The following BCL11A variants were observed in gnomAD, a reference collection of about 807,000 sequenced individuals.
The protein encoded by BCL11A is BCL11 transcription factor A.
Under a neutral mutation model 55.9 loss-of-function variants are expected in BCL11A, and 2 were observed. The ratio of observed to expected loss-of-function variants is 0.04; its 90% CI spans 0.01 to 0.11. The LOEUF (loss-of-function observed/expected upper bound fraction) is 0.11. Ranked by LOEUF, BCL11A falls within the 10% of genes least tolerant of loss-of-function variation. BCL11A has a pLI of 1.00. For missense variants in BCL11A, 817 were observed against 1,137.1 expected (o/e 0.72, Z 4.05); for synonymous variants, 465 against 473.4 (o/e 0.98, Z 0.23).
intron 2 of BCL11A, among the ~76,000 whole-genome samples, chr2:60,481,454 A>G (rs530512312): frequency 2.0e-5 from 3 of 152,184 alleles, no homozygotes; most frequent in South Asian, 2.1e-4. Flanking sequence ...ACCCACCACA[A>G]GCACATACAC....
Position 60,461,020 on chromosome 2 carries a change from G to C in BCL11A, c.1892C>G (p.Pro631Arg). 1 of 1,607,878 alleles carries C rather than the reference G, an allele frequency of 6.2e-7. No individual in the cohort carries two copies. Among genetic ancestry groups the C allele is most frequent in the South Asian group, 1.1e-5 (1 of 90,894 alleles). ...LLLGSPSSLS[P>R]FSKRIKLEKE... ...CTCGAGCTTGATGCGCTTAGAGAAG[G>C]GGCTCAGCGAGCTGGGGCTGCCCAG... Residue 631 changes from proline to arginine, a missense_variant, in exon 4 of 4, where the codon CCC (proline) becomes CGC (arginine). Physicochemically the swap from Pro to Arg is moderately radical, Grantham distance 103. Transcript: ENST00000642384.
chr2:60,452,414 C>T, downstream of BCL11A: 1 of 602,742 alleles, frequency 1.7e-6, no homozygotes, highest in Non-Finnish European at 2.9e-6. Context: ...TAAAATGGCG[C>T]TGCAGGCCTA....
Position 60,468,697 on chromosome 2 carries a change from A to G in BCL11A, c.487+35T>C, listed in dbSNP as rs1677027530. On this transcript the variant is annotated intron_variant, in intron 3 of 3. Coordinates refer to ENST00000642384, the MANE Select transcript of BCL11A (RefSeq NM_022893.4). ...TCCAGAAATTCTCATCTCTATACAC[A>G]TGGACATTTGTAGAAGAAATAAGGC... The G allele has an allele frequency of 4.0e-6, 6 of 1,497,714 alleles. No individual in the cohort carries two copies. In the East Asian group the frequency reaches 1.1e-4, roughly 28 times the overall value. The allele number at this position is 1,497,714 out of a possible 1,614,324, so 92.8% of individuals were successfully genotyped here.
intron 2 of BCL11A, among the ~76,000 whole-genome samples, chr2:60,480,410 T>C (rs1463841886): frequency 1.3e-5 from 2 of 152,140 alleles, no homozygotes; most frequent in African/African-American, 2.4e-5. Flanking sequence ...AATAAATAAT[T>C]AGGATTCAAG....
intron 3 of BCL11A, among the ~76,000 whole-genome samples, chr2:60,462,964 T>C (rs1676398675): frequency 1.3e-5 from 2 of 152,238 alleles, no homozygotes; most frequent in African/African-American, 4.8e-5. Context: ...CTCACTACAA[T>C]GTTCTATGGC....
At chr2:60,470,439 C>G (rs1677135510) in intron 2 of BCL11A, among the ~76,000 whole-genome samples, 1 of 152,186 alleles carries the variant, frequency 6.6e-6, no homozygotes, top group Non-Finnish European at 1.5e-5. Flanking sequence ...CTCAGCCGTT[C>G]ACTAAGTTTG....
intron 2 of BCL11A, among the ~76,000 whole-genome samples, chr2:60,474,408 C>G (rs974391594): frequency 1.3e-5 from 2 of 152,114 alleles, no homozygotes; most frequent in Non-Finnish European, 2.9e-5. Flanking sequence ...AAAGGCAAAT[C>G]CTTCATTTCA....
At chr2:60,534,704 C>A (rs1669595764) in intron 2 of BCL11A, 1 of 152,216 alleles carries the variant, frequency 6.6e-6, no homozygotes, top group Non-Finnish European at 1.5e-5. Flanking sequence ...CCTCAATTCA[C>A]TAAAGGAAAC....
At chr2:60,527,677 G>A (rs1464972387) in intron 2 of BCL11A, 1 of 152,194 alleles carries the variant, frequency 6.6e-6, no homozygotes, top group Non-Finnish European at 1.5e-5. Context: ...GCTCCCATCC[G>A]ATACTCGCCA....
In BCL11A at chr2:60,461,623, T is replaced by A; in HGVS notation, c.1289A>T (p.Lys430Ile). Residue 430 changes from lysine to isoleucine, a missense_variant, in exon 4 of 4, where the codon AAA (lysine) becomes ATA (isoleucine). Around this residue, in one of 4 missense-constraint regions of BCL11A, gnomAD observed 45 missense variants for 109.0 expected, o/e 0.41. Coordinates refer to ENST00000642384, the MANE Select transcript of BCL11A (RefSeq NM_022893.4). ...LKRHMKTHMH[K>I]SSPMTVKSDD... ...GGACTTGACCGTCATGGGGGACGAT[T>A]TGTGCATGTGCGTCTTCATGTGGCG... The A allele has an allele frequency of 6.2e-7, 1 of 1,613,818 alleles. No individual in the cohort carries two copies. Among genetic ancestry groups the A allele is most frequent in the Non-Finnish European group, 8.5e-7 (1 of 1,180,036 alleles).
chr2:60,501,528 A>C (rs1365733307), intron 2 of BCL11A, among the ~76,000 whole-genome samples: 7 of 96,946 alleles, frequency 7.2e-5, no homozygotes, highest in Admixed American at 5.0e-4. Flanking sequence ...TTTTTTTTTG[A>C]GACAGAGTTT....
chr2:60,508,751 G>T (rs1351678626), intron 2 of BCL11A: 1 of 152,240 alleles, frequency 6.6e-6, no homozygotes, highest in South Asian at 2.1e-4. Context: ...ATTTCCCTGA[G>T]GGTCTCCTTG....
At chr2:60,525,995 A>T (rs1669184772) in intron 2 of BCL11A, 1 of 152,238 alleles carries the variant, frequency 6.6e-6, no homozygotes, top group Admixed American at 6.5e-5. Context: ...AGGTCTTCAT[A>T]CTACAGGCAG....
chr2:60,460,194 A>G lies in BCL11A; in HGVS notation c.*210T>C, dbSNP rs886590243. Reference sequence around the variant, plus strand: ...AAAAAAAAAAAAAAGGAAAAAGAAAAAAGAAAAAGAAAAAGAAAAAAAACA... The same window carrying G: ...AAAAAAAAAAAAAAGGAAAAAGAAAGAAGAAAAAGAAAAAGAAAAAAAACA... On this transcript the variant is annotated 3_prime_UTR_variant, in exon 4 of 4. Coordinates refer to ENST00000642384, the MANE Select transcript of BCL11A (RefSeq NM_022893.4). The G allele has an allele frequency of 7.7e-7, 1 of 1,306,076 alleles. No individual in the cohort carries two copies. Among genetic ancestry groups the G allele is most frequent in the African/African-American group, 1.5e-5 (1 of 66,002 alleles). 80.9% of individuals were successfully genotyped at this position (1,306,076 alleles called of 1,614,324 possible).
intron 2 of BCL11A, among the ~76,000 whole-genome samples, chr2:60,538,733 CTCTCTCTGTGTGTG>C (rs960336223): frequency 1.2e-4 from 8 of 64,284 alleles, no homozygotes; most frequent in African/African-American, 3.3e-4. Flanking sequence ...CTCTCTCTCT[CTCTCTCTGTGTGTG>C]TGTGTGTGTG....
rs1009437839 is a variant in BCL11A, at chr2:60,459,811, A to AT, written c.*592dup. 7 of 1,042,910 alleles carry AT rather than the reference A, an allele frequency of 6.7e-6. No individual in the cohort carries two copies. Among genetic ancestry groups the AT allele is most frequent in the East Asian group, 5.8e-5 (1 of 17,288 alleles). The allele number at this position is 1,042,910 out of a possible 1,614,324, so 64.6% of individuals were successfully genotyped here. On this transcript the variant is annotated 3_prime_UTR_variant, in exon 4 of 4. Coordinates refer to ENST00000642384, the MANE Select transcript of BCL11A (RefSeq NM_022893.4). ...AGAGACAGACATTTAGCTCATAGAG[A>AT]TTTTTTTTCAGTGCTATCTATTCTG... is the stretch of plus-strand genomic sequence containing the variant.
intron 2 of BCL11A, among the ~76,000 whole-genome samples, chr2:60,532,403 T>C (rs1669499253): frequency 6.6e-6 from 1 of 151,924 alleles, no homozygotes; most frequent in South Asian, 2.1e-4. Context: ...TTTTGCTTTG[T>C]TTTTTGTTTT....
At chr2:60,521,804 T>C (rs1669009097) in intron 2 of BCL11A, among the ~76,000 whole-genome samples, 1 of 152,176 alleles carries the variant, frequency 6.6e-6, no homozygotes. Context: ...TGCTTCTTCC[T>C]GACCCTCACC....
intron 2 of BCL11A, chr2:60,544,195 G>A (rs1224807417): frequency 1.3e-5 from 2 of 152,172 alleles, no homozygotes; most frequent in Non-Finnish European, 2.9e-5. Context: ...TCTTTTAAAC[G>A]AGCAGCTCGA....
Sources: gnomAD v4.1 joint callset for allele counts (sites outside exome capture counted in the v4.1 genomes callset) on GRCh38, gnomAD v4.1.1 for gene constraint, gnomAD v4.1.1 regional missense constraint, MANE v1.5 for transcripts, NCBI Gene and HGNC (gene_info 2026-07-23, HGNC 2026-07-21) for gene names.